The following FLT1 variants were observed in gnomAD, a reference collection of about 807,000 sequenced individuals.
The protein encoded by FLT1 is fms related receptor tyrosine kinase 1, also known as vascular endothelial growth factor receptor 1.
FLT1 carries 49 observed loss-of-function variants against 156.3 expected under a neutral mutation model. The ratio of observed to expected loss-of-function variants is 0.31; its 90% CI spans 0.25 to 0.40. FLT1 has a LOEUF of 0.40. Ranked by LOEUF, FLT1 falls within the 10% of genes least tolerant of loss-of-function variation. The probability of loss-of-function intolerance (pLI) is 1.00; values close to 1 mark genes in which losing one functional copy is unlikely to be tolerated. For synonymous variants in FLT1, 594 were observed against 583.8 expected (o/e 1.02, Z -0.25); for missense variants, 1,322 against 1,637.2 (o/e 0.81, Z 3.32).
At chr13:28,330,499 G>A (rs544516928) in intron 18 of FLT1, among the ~76,000 whole-genome samples, 3 of 151,136 alleles carry the variant, frequency 2.0e-5, no homozygotes, top group Admixed American at 6.6e-5. Flanking sequence ...AAGCCACTCC[G>A]ACCCACTTGC....
At chr13:28,338,666 T>C (rs1217878128) in intron 17 of FLT1, among the ~76,000 whole-genome samples, 2 of 151,964 alleles carry the variant, frequency 1.3e-5, no homozygotes, top group Non-Finnish European at 2.9e-5. Context: ...GTGCAGAGGG[T>C]TTTTTTGATC....
intron 23 of FLT1, among the ~76,000 whole-genome samples, chr13:28,320,084 T>C (rs1871380948): frequency 6.6e-6 from 1 of 152,182 alleles, no homozygotes; most frequent in Admixed American, 6.5e-5. Flanking sequence ...TAGACAAATC[T>C]TCCTCTCTTT....
At chr13:28,400,598 A>C (rs1429392263) in intron 11 of FLT1, among the ~76,000 whole-genome samples, 2 of 152,196 alleles carry the variant, frequency 1.3e-5, no homozygotes, top group African/African-American at 4.8e-5. Context: ...GCAGCTTTGC[A>C]TGAGACAGTG....
intron 23 of FLT1, among the ~76,000 whole-genome samples, chr13:28,320,285 C>T (rs1442921615): frequency 6.6e-6 from 1 of 152,134 alleles, no homozygotes; most frequent in Non-Finnish European, 1.5e-5. Context: ...ACCAGGGCCC[C>T]AAGGAAAGTC....
chr13:28,467,583 T>C lies in FLT1; in HGVS notation c.99A>G (p.Glu33=). 6.2e-7 allele frequency: 1 copy of C among 1,609,632 alleles called. No homozygotes were observed. The highest frequency in any genetic ancestry group is 8.5e-7 in the Non-Finnish European group (1 of 1,177,350). Residue 33 remains glutamate (E), a synonymous_variant, in exon 2 of 30, where the codon GAA becomes GAG. Coordinates refer to ENST00000282397, the MANE Select transcript of FLT1 (RefSeq NM_002019.4). ...SSSGSKLKDP[E]LSLKGTQHIM... is the part of the protein sequence containing the mutation. ...TGTGCTGGGTGCCTTTTAAACTCAG[T>C]TCAGGATCTTTTAATTTTGAACCTG...
chr13:28,438,306 G>A lies in FLT1; in HGVS notation c.428C>T (p.Pro143Leu), dbSNP rs1270070382. ...RPFVEMYSEI[P>L]EIIHMTEGRE... ...TCCTTCAGTCATGTGTATAATTTCGGGGATTTCACTGTACATCTCTACGAA... is the reference window on the plus strand; with the variant it reads ...TCCTTCAGTCATGTGTATAATTTCGAGGATTTCACTGTACATCTCTACGAA... Residue 143 changes from proline (P) to leucine (L), a missense_variant, in exon 4 of 30, where the codon CCC becomes CTC. This residue lies in a region of FLT1 where 991 missense variants were observed against 1,254.8 expected (regional missense o/e 0.79). Transcript: ENST00000282397. 1 of 1,612,076 alleles carries A rather than the reference G, an allele frequency of 6.2e-7. No individual in the cohort carries two copies. Among genetic ancestry groups the A allele is most frequent in the Non-Finnish European group, 8.5e-7 (1 of 1,178,266 alleles).
chr13:28,389,463 C>T (rs561013768), intron 13 of FLT1: 62 of 1,325,774 alleles, frequency 4.7e-5, no homozygotes, highest in Middle Eastern at 2.8e-4. Flanking sequence ...GCAAGAGCAA[C>T]AAACACAGAG....
At chr13:28,348,982 GACC>G (rs1872652978) in intron 15 of FLT1, among the ~76,000 whole-genome samples, 1 of 151,748 alleles carries the variant, frequency 6.6e-6, no homozygotes, top group Admixed American at 6.6e-5. Flanking sequence ...AAAACATATA[GACC>G]ACCACCTCTG....
chr13:28,369,656 A>G (rs975894511), intron 14 of FLT1, among the ~76,000 whole-genome samples: 1 of 152,262 alleles, frequency 6.6e-6, no homozygotes, highest in African/African-American at 2.4e-5. Flanking sequence ...ATCAAGCCTC[A>G]TGGCAAAGCC....
At chr13:28,344,095 C>T (rs1872465806) in intron 16 of FLT1, among the ~76,000 whole-genome samples, 1 of 152,112 alleles carries the variant, frequency 6.6e-6, no homozygotes, top group South Asian at 2.1e-4. Context: ...CCCACTCCCC[C>T]CATTCCTGCC....
chr13:28,316,214 C>T (rs775083779), intron 25 of FLT1, among the ~76,000 whole-genome samples: 1 of 152,258 alleles, frequency 6.6e-6, no homozygotes, highest in Non-Finnish European at 1.5e-5. Flanking sequence ...CCACCTCGTC[C>T]AGTTCCCCAT....
chr13:28,320,360 T>C (rs1871395852), intron 23 of FLT1, among the ~76,000 whole-genome samples: 1 of 152,152 alleles, frequency 6.6e-6, no homozygotes. Context: ...ATGTTTTCCT[T>C]CTATACAACA....
chr13:28,345,811 A>G (rs1872544081), intron 15 of FLT1: 2 of 388,414 alleles, frequency 5.1e-6, no homozygotes, highest in South Asian at 7.6e-5. Context: ...TTTTGCTGTC[A>G]AGTTTGCAAA....
At chr13:28,353,613 T>C (rs1359482561) in intron 15 of FLT1, among the ~76,000 whole-genome samples, 1 of 151,604 alleles carries the variant, frequency 6.6e-6, no homozygotes, top group Non-Finnish European at 1.5e-5. Context: ...TATATTGTGG[T>C]TATTTGCATT....
intron 14 of FLT1, among the ~76,000 whole-genome samples, chr13:28,383,608 G>A (rs1874174520): frequency 6.6e-6 from 1 of 151,948 alleles, no homozygotes; most frequent in African/African-American, 2.4e-5. Flanking sequence ...CTTGCAGTGA[G>A]CTGAGAGCGC....
At chr13:28,314,898 G>T (rs1871140586) in intron 25 of FLT1, among the ~76,000 whole-genome samples, 1 of 152,156 alleles carries the variant, frequency 6.6e-6, no homozygotes, top group African/African-American at 2.4e-5. Context: ...ACCTGAGCGA[G>T]GTTTATGTAA....
intron 19 of FLT1, among the ~76,000 whole-genome samples, chr13:28,329,157 A>G (rs1386487157): frequency 6.6e-6 from 1 of 152,192 alleles, no homozygotes; most frequent in Non-Finnish European, 1.5e-5. Context: ...CATAAAGCAC[A>G]GCTCTGTCCC....
chr13:28,385,579 T>C, intron 13 of FLT1: 4 of 1,014,976 alleles, frequency 3.9e-6, no homozygotes, highest in Non-Finnish European at 4.7e-6. Context: ...TATTGGTTCT[T>C]TCCTTTCTCC....
chr13:28,363,477 T>C (rs1340903179), intron 14 of FLT1, among the ~76,000 whole-genome samples: 1 of 152,260 alleles, frequency 6.6e-6, no homozygotes, highest in Non-Finnish European at 1.5e-5. Flanking sequence ...TGCATGTTTT[T>C]GTACTTTTTC....
Sources: allele counts gnomAD v4.1 joint callset (sites outside exome capture counted in the v4.1 genomes callset), GRCh38; gene constraint gnomAD v4.1.1; regional missense constraint gnomAD v4.1.1; transcripts MANE v1.5; gene names NCBI Gene and HGNC (gene_info 2026-07-23, HGNC 2026-07-21).